The following ARHGAP17 variants were observed in gnomAD, a reference collection of about 807,000 sequenced individuals.
The protein encoded by ARHGAP17 is Rho GTPase activating protein 17.
ARHGAP17 carries 57 observed loss-of-function variants against 99.5 expected under a neutral mutation model. The ratio of observed to expected loss-of-function variants is 0.57; its 90% CI spans 0.46 to 0.71. ARHGAP17 has a LOEUF of 0.71. Among genes scored for constraint, ARHGAP17 ranks in the 30% least tolerant of loss-of-function variants. The pLI is 0.00. For synonymous variants in ARHGAP17, 417 were observed against 429.6 expected (o/e 0.97, Z 0.36); for missense variants, 1,000 against 1,122.4 (o/e 0.89, Z 1.56).
intron 1 of ARHGAP17, among the ~76,000 whole-genome samples, chr16:24,993,910 T>C (rs185533039): frequency 2.7e-3 from 408 of 152,292 alleles, no homozygotes; most frequent in Non-Finnish European, 5.3e-3. Flanking sequence ...TAGAACAAAA[T>C]AGCAAAGGAG....
Position 24,959,555 on chromosome 16 carries a change from T to C in ARHGAP17, c.724+116A>G, listed in dbSNP as rs892500155. ...ATTATGCTGGGAAACAGTACCCTCC[T>C]AGGCAGAGAAGCTTTATCCCAAGGA... On this transcript the variant is annotated intron_variant, in intron 9 of 19. Coordinates refer to ENST00000289968, the MANE Select transcript of ARHGAP17 (RefSeq NM_001006634.3). 60 of 971,870 alleles carry C rather than the reference T, an allele frequency of 6.2e-5. 1 individual carries two copies. The South Asian group carries it at 8.9e-4, about 14-fold the overall frequency. The allele number at this position is 971,870 out of a possible 1,614,324, so 60.2% of individuals were successfully genotyped here.
chr16:24,921,387 G>A (rs1466770536), intron 19 of ARHGAP17, among the ~76,000 whole-genome samples: 1 of 152,214 alleles, frequency 6.6e-6, no homozygotes, highest in Non-Finnish European at 1.5e-5. Context: ...GAGGGAGTGG[G>A]AGGAGGAGGT....
intron 14 of ARHGAP17, among the ~76,000 whole-genome samples, chr16:24,944,202 T>TG (rs989344637): frequency 6.8e-6 from 1 of 147,752 alleles, no homozygotes; most frequent in African/African-American, 2.5e-5. Flanking sequence ...ACCCGGAAGA[T>TG]GGAGGTTGCA....
chr16:24,956,990 G>T (rs142024560), intron 9 of ARHGAP17: 34 of 152,314 alleles, frequency 2.2e-4, no homozygotes, highest in African/African-American at 7.7e-4. Flanking sequence ...CTTTGTGAGG[G>T]GCAATCAGCT....
At position 24,930,777 on chromosome 16, in the gene ARHGAP17, T is replaced by C. The variant is rs1339817973; in HGVS notation, c.2515+7A>G. ...CGAGGAAATACGGGCATTGATGTCC[T>C]ACTTACCTGTTACTATCTTGGAAGC... On this transcript the variant is annotated splice_region_variant and intron_variant, in intron 19 of 19. Transcript: ENST00000289968. 4.3e-6 allele frequency: 7 copies of C among 1,614,106 alleles called. No homozygotes were observed. The African/African-American group carries it at 5.3e-5, about 12-fold the overall frequency.
chr16:24,935,688 A>T (rs2051121472), intron 17 of ARHGAP17, 49 bp from the exon 18 acceptor site: 1 of 1,577,034 alleles, frequency 6.3e-7, no homozygotes, highest in Non-Finnish European at 8.7e-7. Flanking sequence ...CCAGCTAGAA[A>T]ATCTGAACAT....
intron 16 of ARHGAP17, 92 bp from the exon 17 acceptor site, chr16:24,939,689 G>C (rs572415448): frequency 7.4e-7 from 1 of 1,354,402 alleles, no homozygotes; most frequent in African/African-American, 1.4e-5. Context: ...CCACACATGG[G>C]GATAGCCACC....
chr16:24,942,767 CAAAAA>C (rs768002636), intron 15 of ARHGAP17, among the ~76,000 whole-genome samples: 1 of 69,498 alleles, frequency 1.4e-5, no homozygotes, highest in Non-Finnish European at 3.5e-5. Context: ...GACTCTGTCT[CAAAAA>C]AAAAAAAAAA....
chr16:24,928,285 C>T (rs1467563966), intron 19 of ARHGAP17, among the ~76,000 whole-genome samples: 1 of 152,154 alleles, frequency 6.6e-6, no homozygotes, highest in African/African-American at 2.4e-5. Flanking sequence ...TTCTGTAATA[C>T]AAAGATAACT....
At chr16:25,000,067 A>G in intron 1 of ARHGAP17, among the ~76,000 whole-genome samples, 1 of 152,210 alleles carries the variant, frequency 6.6e-6, no homozygotes, top group East Asian at 1.9e-4. Flanking sequence ...GGTCACAGAC[A>G]CAGCGAGTAA....
intron 1 of ARHGAP17, among the ~76,000 whole-genome samples, chr16:24,989,752 T>A (rs564400746): frequency 5.3e-5 from 8 of 152,286 alleles, no homozygotes; most frequent in African/African-American, 1.9e-4. Flanking sequence ...TTGAAATATG[T>A]CAGACACAGA....
intron 7 of ARHGAP17, among the ~76,000 whole-genome samples, chr16:24,960,642 C>G (rs982251862): frequency 6.6e-6 from 1 of 151,532 alleles, no homozygotes; most frequent in Non-Finnish European, 1.5e-5. Context: ...ACAGTGAAAC[C>G]CTGTCGCTAC....
At chr16:24,940,115 G>A (rs769471391) in intron 16 of ARHGAP17, among the ~76,000 whole-genome samples, 5 of 151,944 alleles carry the variant, frequency 3.3e-5, no homozygotes, top group Admixed American at 6.6e-5. Flanking sequence ...GTAGAGATGC[G>A]GTCTCACTAC....
intron 17 of ARHGAP17, among the ~76,000 whole-genome samples, chr16:24,938,522 G>A (rs1396317024): frequency 6.6e-6 from 1 of 152,110 alleles, no homozygotes; most frequent in Non-Finnish European, 1.5e-5. Flanking sequence ...CCAGCATTTT[G>A]GAAGGCTGAG....
chr16:24,977,621 C>T (rs1334629305), intron 2 of ARHGAP17, among the ~76,000 whole-genome samples: 1 of 152,150 alleles, frequency 6.6e-6, no homozygotes, highest in Non-Finnish European at 1.5e-5. Context: ...ACACAATGTA[C>T]ATCAGACAGA....
intron 7 of ARHGAP17, among the ~76,000 whole-genome samples, chr16:24,962,656 T>C (rs2052046109): frequency 6.6e-6 from 1 of 152,038 alleles, no homozygotes; most frequent in Admixed American, 6.6e-5. Context: ...TTCAAATAAT[T>C]ACAAAACACA....
intron 1 of ARHGAP17, among the ~76,000 whole-genome samples, chr16:24,998,040 C>T (rs868515396): frequency 1.3e-5 from 2 of 151,832 alleles, no homozygotes; most frequent in Admixed American, 1.3e-4. Context: ...TGGGACACAG[C>T]GGAAGGAGAA....
chr16:24,951,117 C>A (rs1006951353), intron 12 of ARHGAP17, among the ~76,000 whole-genome samples: 2 of 152,086 alleles, frequency 1.3e-5, no homozygotes, highest in African/African-American at 4.8e-5. Context: ...GGCTGGCCAG[C>A]CAAGCAGAAG....
chr16:24,947,664 G>A (rs16974243), intron 13 of ARHGAP17, 69 bp from the exon 14 acceptor site: 149,277 of 1,354,056 alleles, frequency 0.11, 20,163 homozygotes, highest in African/African-American at 0.66. Flanking sequence ...CTTCCTGCCT[G>A]GGTGCACAAT....
Sources: gnomAD v4.1 joint callset for allele counts (sites outside exome capture counted in the v4.1 genomes callset) on GRCh38, gnomAD v4.1.1 for gene constraint, MANE v1.5 for transcripts, NCBI Gene and HGNC (gene_info 2026-07-23, HGNC 2026-07-21) for gene names.